CXorf58: variants seen among roughly 807,000 people sequenced by gnomAD.
CXorf58 encodes the protein uncharacterized protein CXorf58.
A neutral mutation model predicts 26.0 loss-of-function variants in CXorf58; 24 were observed. The ratio of observed to expected loss-of-function variants is 0.92; its 90% CI spans 0.67 to 1.30. The LOEUF is 1.30. CXorf58 is among the 50% of genes most tolerant of loss of function. CXorf58 has a pLI of 0.00. For missense variants in CXorf58, 236 were observed against 263.9 expected (o/e 0.89, Z 0.73); for synonymous variants, 87 against 86.1 (o/e 1.01, Z -0.06).
At chrX:23,924,668 G>T (rs147303476) in intron 5 of CXorf58, among the ~76,000 whole-genome samples, 1,208 of 101,937 alleles carry the variant, frequency 0.012, 19 homozygotes, top group African/African-American at 0.041. Context: ...TTGTTGTGGG[G>T]ATGAGGGAGG....
intron 5 of CXorf58, among the ~76,000 whole-genome samples, chrX:23,926,748 C>T (rs780847590): frequency 2.7e-5 from 3 of 112,464 alleles, no homozygotes; most frequent in Non-Finnish European, 3.8e-5. Flanking sequence ...TGGCCTGGCG[C>T]GGTGGCTCAC....
At chrX:23,921,611 C>T (rs1245029187) in intron 5 of CXorf58, among the ~76,000 whole-genome samples, 1 of 111,855 alleles carries the variant, frequency 8.9e-6, no homozygotes, top group African/African-American at 3.2e-5. Flanking sequence ...ATTTCTCACT[C>T]TAAGCTTACT....
intron 2 of CXorf58, among the ~76,000 whole-genome samples, chrX:23,911,161 G>A (rs1927568689): frequency 9.0e-6 from 1 of 110,995 alleles, no homozygotes; most frequent in African/African-American, 3.3e-5. Context: ...GCGCTGTAAG[G>A]GGTAATGATG....
chrX:23,914,036 T>C (rs1427460491), intron 3 of CXorf58, among the ~76,000 whole-genome samples: 2 of 112,131 alleles, frequency 1.8e-5, no homozygotes, highest in South Asian at 3.7e-4. Context: ...TTATCTGTTA[T>C]AGTAATACTT....
Position 23,911,809 on chromosome X carries a change from A to G in CXorf58, c.169A>G (p.Thr57Ala), listed in dbSNP as rs1472864604. 3.3e-6 allele frequency: 4 copies of G among 1,205,373 alleles called. No homozygotes were observed. Among genetic ancestry groups the G allele is most frequent in the Non-Finnish European group, 4.5e-6 (4 of 891,296 alleles). ...AATACAGAGGGCTTGGTTATCTCATACAAACAAAATGATATTTCGACTCCT... is the reference window on the plus strand; with the variant it reads ...AATACAGAGGGCTTGGTTATCTCATGCAAACAAAATGATATTTCGACTCCT... ...QIIQRAWLSH[T>A]NKMIFRLLKH... The change falls in exon 3 of 9, where the codon ACA becomes GCA. Residue 57 changes from threonine to alanine, a missense_variant. Transcript: ENST00000379211.
chrX:23,930,348 G>C lies in CXorf58; in HGVS notation c.555+2978G>C, dbSNP rs1339235671. 2.7e-5 allele frequency among the ~76,000 whole-genome samples: 3 copies of C among 109,231 alleles called. No homozygotes were observed. In the East Asian group the frequency reaches 8.5e-4, roughly 31 times the overall value. 94.9% of individuals were successfully genotyped at this position (109,231 alleles called of 115,157 possible). On this transcript the variant is annotated intron_variant, in intron 6 of 8. Transcript: ENST00000379211. The stretch of plus-strand genomic sequence containing the variant: ...TAGATGCTATTGAGAACATTCATGA[G>C]CTGGGCACAGTGGCTCATGGCTGTA...
chrX:23,931,488 T>A (rs1219048802), intron 6 of CXorf58, among the ~76,000 whole-genome samples: 1 of 112,102 alleles, frequency 8.9e-6, no homozygotes, highest in Non-Finnish European at 1.9e-5. Flanking sequence ...AAAACTTGCC[T>A]GAGGTCACAG....
chrX:23,938,149 A>G (rs755430349), intron 7 of CXorf58, among the ~76,000 whole-genome samples: 19 of 111,072 alleles, frequency 1.7e-4, no homozygotes, highest in Admixed American at 4.8e-4. Flanking sequence ...CGGCCTCCCA[A>G]AGTGCTGAGA....
chrX:23,925,122 A>C (rs937254339), intron 5 of CXorf58, among the ~76,000 whole-genome samples: 1 of 112,074 alleles, frequency 8.9e-6, no homozygotes, highest in Non-Finnish European at 1.9e-5. Flanking sequence ...GTTAGGAATA[A>C]AACTTCAACC....
Position 23,923,257 on chromosome X carries a change from A to G in CXorf58, c.424-3982A>G, listed in dbSNP as rs1489249694. 8.1e-5 allele frequency among the ~76,000 whole-genome samples: 9 copies of G among 111,074 alleles called. No homozygotes were observed. The Admixed American group carries it at 8.8e-4, about 11-fold the overall frequency. ...TGCCAGGCATGTTTTTCTTTGGCTG[A>G]GGGACCAGAATGGGCCAGACACAGA... is the stretch of plus-strand genomic sequence containing the variant. On this transcript the variant is annotated intron_variant, in intron 5 of 8. Transcript: ENST00000379211.
At chrX:23,938,498 A>G (rs1928349004) in intron 7 of CXorf58, 49 bp from the exon 8 acceptor site, 1 of 1,001,361 alleles carries the variant, frequency 1.0e-6, no homozygotes, top group African/African-American at 1.9e-5. Flanking sequence ...CTTTGCATTT[A>G]TATTTTATTC....
chrX:23,935,199 C>T lies in CXorf58; in HGVS notation c.559C>T (p.Arg187Cys), dbSNP rs372943491. The change falls in exon 7 of 9, where the codon CGC (arginine) becomes TGC (cysteine). Residue 187 changes from arginine to cysteine, a missense_variant. By Grantham distance (180) the Arg-to-Cys change is radical. Transcript: ENST00000379211. ...CGTTCTTGTTTTTTCCCTACAGTAT[C>T]GCAGTTTTTTCGATGAGGCCCCTGC... Reference protein sequence around the residue: ...VVTMQDYVQYRSFFDEAPAFS... With the variant: ...VVTMQDYVQYCSFFDEAPAFS... The T allele has an allele frequency of 5.3e-5, 64 of 1,200,734 alleles. No homozygotes were observed. Among genetic ancestry groups the T allele is most frequent in the Non-Finnish European group, 6.8e-5 (60 of 887,448 alleles).
At chrX:23,928,318 T>C (rs373145229) in intron 6 of CXorf58, among the ~76,000 whole-genome samples, 1 of 110,758 alleles carries the variant, frequency 9.0e-6, no homozygotes. Context: ...GTAGCTGGGA[T>C]TACAGGCATG....
At chrX:23,921,801 C>T (rs925351689) in intron 5 of CXorf58, among the ~76,000 whole-genome samples, 1 of 110,480 alleles carries the variant, frequency 9.1e-6, no homozygotes, top group South Asian at 3.9e-4. Context: ...CAGGCTCAAG[C>T]AATTCTCATG....
chrX:23,933,455 G>A (rs980496184), intron 6 of CXorf58, among the ~76,000 whole-genome samples: 7 of 111,551 alleles, frequency 6.3e-5, no homozygotes, highest in Non-Finnish European at 1.1e-4. Context: ...AAAAAGAAAA[G>A]TGGGATTTCT....
intron 6 of CXorf58, among the ~76,000 whole-genome samples, chrX:23,933,097 A>G (rs1352763849): frequency 1.8e-5 from 2 of 110,025 alleles, no homozygotes; most frequent in African/African-American, 6.6e-5. Flanking sequence ...GGAGTTTGAG[A>G]CCTGCCTGGG....
At chrX:23,927,917 G>A (rs1365044429) in intron 6 of CXorf58, among the ~76,000 whole-genome samples, 1 of 111,229 alleles carries the variant, frequency 9.0e-6, no homozygotes, top group African/African-American at 3.3e-5. Context: ...TCATTACCCC[G>A]AAAGGAAACC....
intron 5 of CXorf58, among the ~76,000 whole-genome samples, chrX:23,924,992 A>G (rs1345787923): frequency 2.7e-5 from 3 of 111,362 alleles, no homozygotes; most frequent in Non-Finnish European, 5.6e-5. Context: ...TGTTACATCA[A>G]TAAAATAGCA....
In CXorf58 at chrX:23,938,574, A is replaced by G. The variant is rs377669375; in HGVS notation, c.813A>G (p.Leu271=). The G allele has an allele frequency of 5.0e-6, 6 of 1,191,633 alleles. No homozygotes were observed. The highest frequency in any genetic ancestry group is 2.3e-4 in the Middle Eastern group (1 of 4,266). ...IRGPYLTVQP[L]YRPYKQQNQV... ...GTCCATACTTAACTGTCCAACCTCT[A>G]TATCGGCCCTACAAACAGCAAAATC... is the stretch of plus-strand genomic sequence containing the variant. Residue 271 remains leucine, a synonymous_variant, in exon 8 of 9, where the codon CTA becomes CTG. Transcript: ENST00000379211.
Sources: gnomAD v4.1 joint callset for allele counts (sites outside exome capture counted in the v4.1 genomes callset) on GRCh38, gnomAD v4.1.1 for gene constraint, MANE v1.5 for transcripts, NCBI Gene and HGNC (gene_info 2026-07-23, HGNC 2026-07-21) for gene names.